EYS: variants seen among roughly 807,000 people sequenced by gnomAD.
The protein encoded by EYS is protein eyes shut homolog.
Under a neutral mutation model 282.1 loss-of-function variants are expected in EYS, and 250 were observed. The ratio of observed to expected loss-of-function variants is 0.89; its 90% CI spans 0.80 to 0.98. EYS has a LOEUF of 0.98. Among genes scored for constraint, EYS ranks in the 50% least tolerant of loss-of-function variants. EYS has a pLI of 0.00. For synonymous variants in EYS, 1,355 were observed against 1,282.9 expected (o/e 1.06, Z -1.20); for missense variants, 4,016 against 3,709.0 (o/e 1.08, Z -2.15).
In EYS at chr6:64,593,172, T is replaced by C. The variant is rs924477825; in HGVS notation, c.3822A>G (p.Pro1274=). 5 of 1,549,386 alleles carry C rather than the reference T, an allele frequency of 3.2e-6. No individual in the cohort carries two copies. The highest frequency in any genetic ancestry group is 4.4e-6 in the Non-Finnish European group (5 of 1,145,952). ...CTGGTATTCTAGTAGCCTTTATAGATGGAAAGCTGCTGACCAAAGTCTCAG... is the reference window on the plus strand; with the variant it reads ...CTGGTATTCTAGTAGCCTTTATAGACGGAAAGCTGCTGACCAAAGTCTCAG... ...PPSETLVSSF[P]SIKATRIPAI... Residue 1274 remains proline, a synonymous_variant, in exon 25 of 43, where the codon CCA becomes CCG. Transcript: ENST00000503581.
At chr6:65,588,980 G>A (rs1454922849) in intron 2 of EYS, among the ~76,000 whole-genome samples, 11 of 151,872 alleles carry the variant, frequency 7.2e-5, no homozygotes, top group Non-Finnish European at 1.6e-4. Context: ...GCCAAATGAG[G>A]CTATTATATA....
At chr6:63,840,194 C>T (rs1213168356) in intron 36 of EYS, among the ~76,000 whole-genome samples, 2 of 142,508 alleles carry the variant, frequency 1.4e-5, no homozygotes, top group East Asian at 2.0e-4. Context: ...ACTACAGTTG[C>T]CTGCCACCAT....
At position 65,553,488 on chromosome 6, in the gene EYS, G is replaced by A. The variant is rs139807769; in HGVS notation, c.-332-57495C>T. ...TACTTTTGTCTAAAACGAGCACAGA[G>A]AATTCAATGATTTATATCTTAGAGT... On this transcript the variant is annotated intron_variant, in intron 2 of 42. Transcript: ENST00000503581. Among the ~76,000 whole-genome samples, 740 of 152,196 alleles carry A rather than the reference G, an allele frequency of 4.9e-3. 2 individuals carry two copies. The highest frequency in any genetic ancestry group is 0.016 in the African/African-American group (670 of 41,552).
chr6:65,062,550 A>C (rs1773609276), intron 12 of EYS, among the ~76,000 whole-genome samples: 1 of 151,960 alleles, frequency 6.6e-6, no homozygotes, highest in Admixed American at 6.6e-5. Flanking sequence ...CCAGTAAGAA[A>C]GTTAATGGCA....
intron 32 of EYS, among the ~76,000 whole-genome samples, chr6:64,076,699 A>G (rs1399723314): frequency 6.6e-6 from 1 of 151,842 alleles, no homozygotes; most frequent in African/African-American, 2.4e-5. Flanking sequence ...GCCCCGTGGA[A>G]CTGTGAGTCC....
chr6:64,577,582 ATAT>A (rs1232126650), intron 26 of EYS, among the ~76,000 whole-genome samples: 2 of 152,066 alleles, frequency 1.3e-5, no homozygotes, highest in African/African-American at 4.8e-5. Context: ...ATGTTATTAA[ATAT>A]TATAGTTAAG....
chr6:64,514,921 C>G (rs553648944), intron 26 of EYS, among the ~76,000 whole-genome samples: 1 of 151,856 alleles, frequency 6.6e-6, no homozygotes, highest in Admixed American at 6.6e-5. Flanking sequence ...AAAGCAGTAT[C>G]AAAAATTTTG....
At chr6:65,290,219 T>C (rs16896496) in intron 12 of EYS, among the ~76,000 whole-genome samples, 3,337 of 151,048 alleles carry the variant, frequency 0.022, 114 homozygotes, top group African/African-American at 0.076. Context: ...TTGTAAAGTT[T>C]AGTAAAGATG....
chr6:64,163,220 A>C (rs1364268447), intron 31 of EYS, among the ~76,000 whole-genome samples: 4 of 152,124 alleles, frequency 2.6e-5, no homozygotes, highest in African/African-American at 9.6e-5. Flanking sequence ...AAACAAAAAA[A>C]ATTAAGAGCA....
At chr6:64,404,349 C>G (rs1343955377) in intron 28 of EYS, among the ~76,000 whole-genome samples, 1 of 151,276 alleles carries the variant, frequency 6.6e-6, no homozygotes, top group East Asian at 1.9e-4. Context: ...GTTCCCTAGT[C>G]CTTTTTCTAA....
chr6:64,498,230 TAGAG>T lies in EYS; in HGVS notation c.5645-58882_5645-58879del, dbSNP rs535105014. On this transcript the variant is annotated intron_variant, in intron 26 of 42. Transcript: ENST00000503581. ...CTTGTTTAATGCTCACAATACCCTA[TAGAG>T]AGTTACTAAATTATTATTATACAAT... Among the ~76,000 whole-genome samples, 648 of 152,234 alleles carry T rather than the reference TAGAG, an allele frequency of 4.3e-3. 4 individuals carry two copies. The highest frequency in any genetic ancestry group is 4.2e-3 in the Non-Finnish European group (284 of 68,016).
In EYS at chr6:65,490,576, T is replaced by C; in HGVS notation, c.862+18A>G. On this transcript the variant is annotated intron_variant, in intron 5 of 42. Transcript: ENST00000503581. ...AAAGTTACTTGTGTATATGGTTGTA[T>C]ACATATGCATTTTTTACCTGAAAAT... The C allele has an allele frequency of 7.8e-7, 1 of 1,289,078 alleles. No homozygotes were observed. The highest frequency in any genetic ancestry group is 1.1e-6 in the Non-Finnish European group (1 of 884,202). The allele number at this position is 1,289,078 out of a possible 1,614,324, so 79.9% of individuals were successfully genotyped here.
intron 2 of EYS, among the ~76,000 whole-genome samples, chr6:65,558,234 A>AC (rs1768894981): frequency 6.6e-6 from 1 of 152,218 alleles, no homozygotes; most frequent in Admixed American, 6.5e-5. Context: ...GACCTCAGAC[A>AC]CCTGGCCTCC....
At chr6:64,999,302 C>G (rs1476980791) in intron 13 of EYS, among the ~76,000 whole-genome samples, 3 of 152,182 alleles carry the variant, frequency 2.0e-5, no homozygotes, top group East Asian at 3.9e-4. Context: ...TTGTTAACCA[C>G]GGGGCTATGT....
chr6:64,989,696 ATTTC>A (rs1007051159), intron 14 of EYS, among the ~76,000 whole-genome samples: 7 of 145,172 alleles, frequency 4.8e-5, no homozygotes, highest in African/African-American at 1.7e-4. Context: ...TATCTTACAT[ATTTC>A]TTATGTATAA....
At chr6:64,105,526 G>A (rs1772980997) in intron 31 of EYS, among the ~76,000 whole-genome samples, 1 of 152,094 alleles carries the variant, frequency 6.6e-6, no homozygotes, top group South Asian at 2.1e-4. Flanking sequence ...TGTACGACAT[G>A]TCCATCATTG....
At chr6:65,246,691 T>G (rs968171885) in intron 12 of EYS, among the ~76,000 whole-genome samples, 10 of 152,134 alleles carry the variant, frequency 6.6e-5, no homozygotes, top group African/African-American at 2.4e-4. Flanking sequence ...TGTAGTCTTC[T>G]GGTATTCAGA....
chr6:63,904,981 G>C (rs1467287963), intron 35 of EYS, among the ~76,000 whole-genome samples: 1 of 152,206 alleles, frequency 6.6e-6, no homozygotes. Context: ...TTGTGCAACT[G>C]TCACCACTAT....
chr6:63,995,385 C>T (rs1767789568), intron 34 of EYS, among the ~76,000 whole-genome samples: 1 of 151,722 alleles, frequency 6.6e-6, no homozygotes, highest in African/African-American at 2.4e-5. Flanking sequence ...TGGCTATTAC[C>T]CAAACCAGAA....
Sources: allele counts gnomAD v4.1 joint callset (sites outside exome capture counted in the v4.1 genomes callset), GRCh38; gene constraint gnomAD v4.1.1; transcripts MANE v1.5; gene names NCBI Gene and HGNC (gene_info 2026-07-23, HGNC 2026-07-21).